The following GALNS variants were observed in gnomAD, a reference collection of about 807,000 sequenced individuals.
GALNS encodes galactosamine (N-acetyl)-6-sulfatase.
In GALNS, 65 loss-of-function variants were observed where a neutral mutation model predicts 65.9. The observed-to-expected ratio is 0.99, with a 90% CI of 0.81 to 1.21. GALNS has a LOEUF of 1.21. GALNS is among the 50% of genes most tolerant of loss of function. The pLI is 0.00. For synonymous variants in GALNS, 346 were observed against 288.9 expected, an observed-to-expected ratio of 1.20 and a Z score of -2.00; for missense variants, 776 against 700.7, an observed-to-expected ratio of 1.11 and a Z score of -1.21.
chr16:88,855,938 G>A (rs903295254), intron 1 of GALNS: 6 of 565,280 alleles, frequency 1.1e-5, no homozygotes, highest in African/African-American at 5.6e-5. Context: ...TGAGCACGGC[G>A]GGACAGGTGT....
At chr16:88,817,661 C>T (rs1909769846) in intron 13 of GALNS, among the ~76,000 whole-genome samples, 2 of 152,194 alleles carry the variant, frequency 1.3e-5, no homozygotes, top group Non-Finnish European at 2.9e-5. Flanking sequence ...GACCAGGGGA[C>T]CCCGGACCCT....
intron 8 of GALNS, among the ~76,000 whole-genome samples, chr16:88,833,636 G>A (rs1322032340): frequency 1.3e-5 from 2 of 151,926 alleles, no homozygotes; most frequent in African/African-American, 2.4e-5. Flanking sequence ...TTTTTCAGTA[G>A]AGATGGGGTT....
chr16:88,816,695 T>C (rs1459587561), intron 13 of GALNS: 2 of 985,344 alleles, frequency 2.0e-6, no homozygotes, highest in Non-Finnish European at 2.4e-6. Context: ...ACGCTGTGGC[T>C]CCCTGGCTGT....
At chr16:88,834,655 G>T (rs1009109918) in intron 8 of GALNS, among the ~76,000 whole-genome samples, 1 of 151,960 alleles carries the variant, frequency 6.6e-6, no homozygotes, top group Non-Finnish European at 1.5e-5. Flanking sequence ...CGTGGTCTGG[G>T]AAGAGGCGGG....
At position 88,814,403 on chromosome 16, in the gene GALNS, C is replaced by T. The variant is rs11076715; in HGVS notation, c.*36G>A. 403,658 of 1,549,698 alleles carry T rather than the reference C, an allele frequency of 0.26. 55,279 individuals carry two copies. The highest frequency in any genetic ancestry group is 0.55 in the East Asian group (22,663 of 41,102). ...TCCTCCAGGCACTTGCAGGGCCAACCGGAGATTCTAGGCCTGGCCTGAGTC... is the reference window on the plus strand; with the variant it reads ...TCCTCCAGGCACTTGCAGGGCCAACTGGAGATTCTAGGCCTGGCCTGAGTC... On this transcript the variant is annotated 3_prime_UTR_variant, in exon 14 of 14. Transcript: ENST00000268695.
chr16:88,816,307 G>A (rs921489064), intron 13 of GALNS: 5 of 985,430 alleles, frequency 5.1e-6, no homozygotes, highest in Non-Finnish European at 6.0e-6. Context: ...GAAGGACCCA[G>A]CAGCACGGAG....
Position 88,826,708 on chromosome 16 carries a change from A to G in GALNS, c.1133T>C (p.Met378Thr). ...GGGCAGGTCTAGCACCAACCTGTCCATCAGCCGGCCCTGCAGGAGGGTGGG... is the reference window on the plus strand; with the variant it reads ...GGGCAGGTCTAGCACCAACCTGTCCGTCAGCCGGCCCTGCAGGAGGGTGGG... ...LLPTLLQGRL[M>T]DRPIFYYRGD... Residue 378 changes from methionine (M) to threonine (T), a missense_variant, in exon 10 of 14, where the codon ATG (methionine) becomes ACG (threonine). By Grantham distance (81) the Met-to-Thr change is moderately conservative (BLOSUM62 -1). Coordinates refer to ENST00000268695, the MANE Select transcript of GALNS (RefSeq NM_000512.5). 6.2e-7 allele frequency: 1 copy of G among 1,612,504 alleles called. No individual in the cohort carries two copies. The highest frequency in any genetic ancestry group is 8.5e-7 in the Non-Finnish European group (1 of 1,179,684).
chr16:88,830,031 G>A (rs890391193), intron 9 of GALNS, among the ~76,000 whole-genome samples: 1 of 152,236 alleles, frequency 6.6e-6, no homozygotes, highest in South Asian at 2.1e-4. Flanking sequence ...AGGAGATTGA[G>A]ACCATACTGG....
rs746949976 is a variant in GALNS, at chr16:88,841,040, G to T, written c.374C>A (p.Pro125Gln). ...GTAGCCGGCCTTCTTCAGAAGCTCC[G>T]GCAGGAGCTGCTCCGAGTCTGGGAT... ...GGIPDSEQLL[P>Q]ELLKKAGYVS... The change falls in exon 4 of 14, where the codon CCG becomes CAG. Residue 125 changes from proline to glutamine, a missense_variant. Pro to Gln is a moderately conservative substitution (Grantham distance 76). Transcript: ENST00000268695. 1.9e-6 allele frequency: 3 copies of T among 1,613,178 alleles called. No homozygotes were observed. The highest frequency in any genetic ancestry group is 1.3e-5 in the African/African-American group (1 of 75,028).
rs531116258 is a variant in GALNS, at chr16:88,828,841, AC to A, written c.1003-2004del. On this transcript the variant is annotated intron_variant, in intron 9 of 13. Transcript: ENST00000268695. The stretch of plus-strand genomic sequence containing the variant: ...CACCTTTTCCAGGCTGCTGCTGAGC[AC>A]AGCCACGGGTGGCTCCCAGCCTGGG... Among the ~76,000 whole-genome samples, 6 of 152,268 alleles carry A rather than the reference AC, an allele frequency of 3.9e-5. No individual in the cohort carries two copies. The South Asian group carries it at 1.2e-3, about 32-fold the overall frequency.
chr16:88,825,227 T>G (rs1214162748), intron 10 of GALNS, among the ~76,000 whole-genome samples: 3 of 96,988 alleles, frequency 3.1e-5, no homozygotes, highest in Non-Finnish European at 3.8e-5. Flanking sequence ...CGCCTGGGTG[T>G]CTGGGGCTGG....
intron 12 of GALNS, 26 bp from the exon 13 acceptor site, chr16:88,818,150 C>T (rs370139668): frequency 4.0e-5 from 62 of 1,546,288 alleles, no homozygotes; most frequent in Admixed American, 1.1e-4. Context: ...TCTGGTCACA[C>T]GGCTGGGGCT....
At chr16:88,814,821 G>C (rs557333000) in intron 13 of GALNS, among the ~76,000 whole-genome samples, 1 of 152,184 alleles carries the variant, frequency 6.6e-6, no homozygotes, top group Non-Finnish European at 1.5e-5. Flanking sequence ...GGCTGGTCTT[G>C]AACTCCTGAC....
intron 1 of GALNS, among the ~76,000 whole-genome samples, chr16:88,852,492 A>G (rs1468814708): frequency 1.3e-5 from 2 of 152,256 alleles, no homozygotes; most frequent in Non-Finnish European, 2.9e-5. Flanking sequence ...AAAGGATCGC[A>G]GCTCCTCGCC....
chr16:88,846,733 G>C (rs1353739001), intron 1 of GALNS, among the ~76,000 whole-genome samples: 1 of 152,050 alleles, frequency 6.6e-6, no homozygotes, highest in Non-Finnish European at 1.5e-5. Flanking sequence ...AGTAGAGACG[G>C]GGTTTCGCCA....
intron 9 of GALNS, among the ~76,000 whole-genome samples, chr16:88,830,802 A>T (rs560942932): frequency 3.9e-5 from 6 of 152,296 alleles, no homozygotes; most frequent in African/African-American, 1.4e-4. Flanking sequence ...TGCGGCAGAC[A>T]GACACCAACG....
At chr16:88,842,286 C>T in intron 2 of GALNS, 1 of 536,304 alleles carries the variant, frequency 1.9e-6, no homozygotes, top group Non-Finnish European at 3.4e-6. Flanking sequence ...CGAGCACCAG[C>T]CCCGTGCCCT....
At chr16:88,838,013 G>A (rs1417763878) in intron 4 of GALNS, 13 of 517,468 alleles carry the variant, frequency 2.5e-5, no homozygotes, top group Non-Finnish European at 4.6e-5. Context: ...GCGGCGGCCG[G>A]GGTTCCCTGC....
chr16:88,856,597 C>A (rs1298371164), intron 1 of GALNS, 161 bp downstream of exon 1: 6 of 552,908 alleles, frequency 1.1e-5, no homozygotes, highest in Admixed American at 7.0e-5. Flanking sequence ...CGTCCCCTCC[C>A]CCTCCTCCTC....
Sources: allele counts gnomAD v4.1 joint callset (sites outside exome capture counted in the v4.1 genomes callset), GRCh38; gene constraint gnomAD v4.1.1; transcripts MANE v1.5; gene names NCBI Gene and HGNC (gene_info 2026-07-23, HGNC 2026-07-21).